The following RSPO2 variants were observed in gnomAD, a reference collection of about 807,000 sequenced individuals.
The protein encoded by RSPO2 is R-spondin-2.
In RSPO2, 14 loss-of-function variants were observed where a neutral mutation model predicts 30.9. The ratio of observed to expected loss-of-function variants is 0.45; its 90% confidence interval spans 0.30 to 0.71. The LOEUF (loss-of-function observed/expected upper bound fraction) is 0.71, where lower values mean the gene tolerates loss of function less well. Among genes scored for constraint, RSPO2 ranks in the 30% least tolerant of loss-of-function variants. The pLI is 0.08. For synonymous variants in RSPO2, 107 were observed against 96.4 expected (o/e 1.11, Z -0.64); for missense variants, 264 against 301.9 (o/e 0.87, Z 0.93).
intron 2 of RSPO2, among the ~76,000 whole-genome samples, chr8:108,018,746 A>G (rs1317234668): frequency 6.6e-6 from 1 of 152,202 alleles, no homozygotes; most frequent in Non-Finnish European, 1.5e-5. Context: ...ACTTCCAAAT[A>G]TTTCCAAATG....
At chr8:107,932,862 G>T (rs925192614) in intron 5 of RSPO2, among the ~76,000 whole-genome samples, 7 of 152,168 alleles carry the variant, frequency 4.6e-5, no homozygotes, top group Non-Finnish European at 8.8e-5. Flanking sequence ...AGCTGAAATT[G>T]TAAGGACACT....
intron 2 of RSPO2, among the ~76,000 whole-genome samples, chr8:108,019,802 G>A (rs1205635157): frequency 6.6e-6 from 1 of 152,096 alleles, no homozygotes; most frequent in Non-Finnish European, 1.5e-5. Flanking sequence ...TCCCTTATGG[G>A]GATATGATGG....
intron 5 of RSPO2, among the ~76,000 whole-genome samples, chr8:107,921,623 C>G (rs928405619): frequency 2.0e-5 from 3 of 151,974 alleles, no homozygotes; most frequent in African/African-American, 7.2e-5. Flanking sequence ...GGGGCCAGCA[C>G]CATCCTGATA....
intron 3 of RSPO2, among the ~76,000 whole-genome samples, chr8:107,964,423 T>C (rs542670295): frequency 6.6e-6 from 1 of 152,314 alleles, no homozygotes; most frequent in Non-Finnish European, 1.5e-5. Flanking sequence ...TTTGTATTTT[T>C]AGTAGAGACG....
chr8:108,060,255 G>A (rs987978438), intron 2 of RSPO2, among the ~76,000 whole-genome samples: 13 of 151,722 alleles, frequency 8.6e-5, no homozygotes, highest in South Asian at 2.1e-4. Flanking sequence ...GAGGAAGTTC[G>A]AACCCATCAC....
chr8:107,908,738 G>A (rs955536994), intron 5 of RSPO2, among the ~76,000 whole-genome samples: 8 of 152,082 alleles, frequency 5.3e-5, no homozygotes, highest in African/African-American at 1.9e-4. Context: ...TAATTGCACT[G>A]CTGTTAAAAA....
chr8:107,915,623 G>A (rs1811957272), intron 5 of RSPO2, among the ~76,000 whole-genome samples: 1 of 152,042 alleles, frequency 6.6e-6, no homozygotes, highest in African/African-American at 2.4e-5. Context: ...TATATGTGGA[G>A]TGGATCTCAG....
intron 5 of RSPO2, among the ~76,000 whole-genome samples, chr8:107,953,890 A>C (rs1382376676): frequency 6.6e-6 from 1 of 152,194 alleles, no homozygotes; most frequent in Non-Finnish European, 1.5e-5. Context: ...TACATAACAT[A>C]GTATACCCTG....
At chr8:108,072,492 ATTT>A (rs71308776) in intron 2 of RSPO2, among the ~76,000 whole-genome samples, 18 of 122,634 alleles carry the variant, frequency 1.5e-4, no homozygotes, top group African/African-American at 4.4e-4. Flanking sequence ...AGCCCGGCTA[ATTT>A]TTTTTTTTTT....
At chr8:108,055,703 A>T (rs11782448) in intron 2 of RSPO2, among the ~76,000 whole-genome samples, 46,105 of 152,022 alleles carry the variant, frequency 0.3, 7,842 homozygotes, top group African/African-American at 0.46. Context: ...GAAAGAATGC[A>T]TTGTTTCCCT....
At chr8:107,935,582 A>T (rs1039368741) in intron 5 of RSPO2, among the ~76,000 whole-genome samples, 1 of 152,058 alleles carries the variant, frequency 6.6e-6, no homozygotes, top group African/African-American at 2.4e-5. Context: ...CCACAAAATC[A>T]TGCTCTACCA....
At chr8:107,996,750 T>C (rs1303867373) in intron 2 of RSPO2, among the ~76,000 whole-genome samples, 1 of 152,200 alleles carries the variant, frequency 6.6e-6, no homozygotes, top group Non-Finnish European at 1.5e-5. Context: ...CTTTTTGTTT[T>C]GTTTTTATGT....
At chr8:107,942,256 C>T (rs916409603) in intron 5 of RSPO2, among the ~76,000 whole-genome samples, 1 of 152,086 alleles carries the variant, frequency 6.6e-6, no homozygotes, top group African/African-American at 2.4e-5. Flanking sequence ...TTGCTGACTT[C>T]CTATATTAGG....
At chr8:107,919,500 G>A (rs1812084342) in intron 5 of RSPO2, among the ~76,000 whole-genome samples, 1 of 152,122 alleles carries the variant, frequency 6.6e-6, no homozygotes, top group African/African-American at 2.4e-5. Flanking sequence ...TTATGATTTA[G>A]GAGTCATGCA....
intron 5 of RSPO2, among the ~76,000 whole-genome samples, chr8:107,907,032 A>T (rs1811670547): frequency 6.8e-6 from 1 of 147,858 alleles, no homozygotes; most frequent in Non-Finnish European, 1.5e-5. Context: ...TTAAAATGTA[A>T]ATTTAAAAAT....
intron 3 of RSPO2, among the ~76,000 whole-genome samples, chr8:107,961,670 C>T (rs1310318116): frequency 6.6e-6 from 1 of 152,168 alleles, no homozygotes; most frequent in East Asian, 1.9e-4. Flanking sequence ...ATATGCCTCT[C>T]TGAGCCTCTA....
At chr8:107,992,470 T>C (rs1048413091) in intron 2 of RSPO2, among the ~76,000 whole-genome samples, 1 of 152,136 alleles carries the variant, frequency 6.6e-6, no homozygotes, top group African/African-American at 2.4e-5. Flanking sequence ...CCTTAATACC[T>C]GGGTGATGAA....
At chr8:107,903,445 A>G (rs1399986874) in intron 5 of RSPO2, among the ~76,000 whole-genome samples, 1 of 152,108 alleles carries the variant, frequency 6.6e-6, no homozygotes, top group African/African-American at 2.4e-5. Flanking sequence ...GCTCATTTTA[A>G]GATGGTCAAT....
chr8:108,049,364 C>CT (rs764405186), intron 2 of RSPO2, among the ~76,000 whole-genome samples: 3 of 150,932 alleles, frequency 2.0e-5, no homozygotes, highest in Non-Finnish European at 3.0e-5. Flanking sequence ...ACTTTTTTTT[C>CT]TTTTTTTAAA....
Sources: allele counts gnomAD v4.1 joint callset (sites outside exome capture counted in the v4.1 genomes callset), GRCh38; gene constraint gnomAD v4.1.1; transcripts MANE v1.5; gene names NCBI Gene and HGNC (gene_info 2026-07-23, HGNC 2026-07-21).